Variants in CSDE1 observed in about 807,000 individuals in gnomAD.
CSDE1 encodes the protein cold shock domain containing E1, also known as cold shock domain-containing protein E1.
In CSDE1, 17 loss-of-function variants were observed where a neutral mutation model predicts 89.3. That is an observed-to-expected ratio of 0.19 (90% CI 0.13 to 0.29). The LOEUF is 0.29. CSDE1 is among the 10% of genes least tolerant of loss of function. The pLI is 1.00. For missense variants in CSDE1, 672 were observed against 984.2 expected (o/e 0.68, Z 4.24); for synonymous variants, 322 against 332.8 (o/e 0.97, Z 0.35).
At chr1:114,738,407 C>T (rs906230435) in intron 3 of CSDE1, among the ~76,000 whole-genome samples, 9 of 152,084 alleles carry the variant, frequency 5.9e-5, no homozygotes, top group African/African-American at 1.7e-4. Flanking sequence ...TTTACACATA[C>T]TACAAATGAG....
intron 12 of CSDE1, among the ~76,000 whole-genome samples, chr1:114,729,514 CAAAA>C (rs66566286): frequency 3.9e-5 from 5 of 127,228 alleles, no homozygotes; most frequent in Non-Finnish European, 5.0e-5. Flanking sequence ...CACACAAAAC[CAAAA>C]AAAAAAAAAA....
intron 2 of CSDE1, among the ~76,000 whole-genome samples, 175 bp downstream of exon 2, chr1:114,749,646 T>C (rs1052760825): frequency 1.3e-5 from 2 of 152,200 alleles, no homozygotes; most frequent in African/African-American, 4.8e-5. Flanking sequence ...TGTTTGACCA[T>C]AAATACTGTC....
intron 2 of CSDE1, among the ~76,000 whole-genome samples, chr1:114,747,837 G>A (rs1018702028): frequency 2.6e-5 from 4 of 151,378 alleles, no homozygotes; most frequent in Non-Finnish European, 4.4e-5. Context: ...CAGCCTTGGC[G>A]ACAGAGCAAG....
intron 16 of CSDE1, among the ~76,000 whole-genome samples, chr1:114,723,152 C>A (rs987555089): frequency 1.3e-5 from 2 of 152,132 alleles, no homozygotes; most frequent in African/African-American, 4.8e-5. Context: ...CCACCACGCC[C>A]GGCCTACCAA....
rs145574190 is a variant in CSDE1, at chr1:114,756,380, C to T, written c.-388+1545G>A. Among the ~76,000 whole-genome samples, 59 of 152,222 alleles carry T rather than the reference C, an allele frequency of 3.9e-4. 1 individual carries two copies. The East Asian group carries it at 9.5e-3, about 24-fold the overall frequency. On this transcript the variant is annotated intron_variant, in intron 1 of 19. Transcript: ENST00000358528. The stretch of plus-strand genomic sequence containing the variant: ...TAAGTTTTATGACTCAGGTATATCC[C>T]TACTGAAGTATATAAAGCCCCTCCT...
At chr1:114,748,711 CACCTACCTTTTTCTCT>C (rs1436745779) in intron 2 of CSDE1, among the ~76,000 whole-genome samples, 1 of 152,194 alleles carries the variant, frequency 6.6e-6, no homozygotes, top group African/African-American at 2.4e-5. Context: ...GAACACCTAG[CACCTACCTTTTTCTCT>C]ACCTACACCT....
At chr1:114,741,766 G>C (rs550655163) in intron 2 of CSDE1, 1 of 905,882 alleles carries the variant, frequency 1.1e-6, no homozygotes, top group Admixed American at 3.7e-5. Flanking sequence ...TGGGTTTAGC[G>C]AAATATAAAT....
In CSDE1 at chr1:114,738,081, AAAT is replaced by A. The variant is rs1303786154; in HGVS notation, c.200-12_200-10del. 13 of 1,597,494 alleles carry A rather than the reference AAAT, an allele frequency of 8.1e-6. No homozygotes were observed. The highest frequency in any genetic ancestry group is 1.1e-5 in the Non-Finnish European group (13 of 1,164,866). ...TTCAAATTCAACATCATCTAAAAAT[AAAT>A]AATGTGTTATGTTTGTTGAACTGAT... On this transcript the variant is annotated splice_polypyrimidine_tract_variant and intron_variant, in intron 3 of 19. Coordinates refer to ENST00000358528, the MANE Select transcript of CSDE1 (RefSeq NM_001007553.3).
chr1:114,738,170 A>C, intron 3 of CSDE1, 98 bp from the exon 4 acceptor site: 1 of 917,772 alleles, frequency 1.1e-6, no homozygotes, highest in South Asian at 1.4e-5. Flanking sequence ...ATTGCCTTAG[A>C]CCAGTGGTTT....
At chr1:114,737,854 T>G (rs1660488316) in intron 4 of CSDE1, 109 bp downstream of exon 4, 1 of 775,100 alleles carries the variant, frequency 1.3e-6, no homozygotes, top group Non-Finnish European at 2.2e-6. Flanking sequence ...TTATATACTA[T>G]AGCTCTCTTT....
At chr1:114,723,217 A>G (rs754712573) in intron 16 of CSDE1, among the ~76,000 whole-genome samples, 5 of 152,172 alleles carry the variant, frequency 3.3e-5, no homozygotes, top group Admixed American at 6.5e-5. Flanking sequence ...ACATCATGTA[A>G]TTCTGCTATC....
intron 16 of CSDE1, among the ~76,000 whole-genome samples, chr1:114,721,914 G>A (rs1659549247): frequency 2.1e-5 from 3 of 145,318 alleles, no homozygotes; most frequent in African/African-American, 5.1e-5. Flanking sequence ...ACGGAGTCAT[G>A]CTCTGTTAAC....
intron 9 of CSDE1, 86 bp downstream of exon 9, chr1:114,733,646 G>A (rs1279991003): frequency 1.6e-6 from 2 of 1,239,312 alleles, no homozygotes; most frequent in Admixed American, 4.6e-5. Context: ...TATATTAACT[G>A]AATAAGATAA....
intron 10 of CSDE1, among the ~76,000 whole-genome samples, chr1:114,732,155 T>C (rs759544828): frequency 2.6e-5 from 4 of 152,036 alleles, no homozygotes; most frequent in Non-Finnish European, 5.9e-5. Flanking sequence ...TTGCTGTTAG[T>C]GTATTTTATG....
intron 16 of CSDE1, among the ~76,000 whole-genome samples, chr1:114,721,895 T>C (rs555262674): frequency 6.6e-4 from 100 of 150,940 alleles, no homozygotes; most frequent in African/African-American, 2.4e-3. Context: ...TTTTTTTTTT[T>C]TTTTTGAGAC....
At chr1:114,734,970 G>C (rs963205995) in intron 6 of CSDE1, among the ~76,000 whole-genome samples, 1 of 152,226 alleles carries the variant, frequency 6.6e-6, no homozygotes, top group Non-Finnish European at 1.5e-5. Context: ...TGGTGATACA[G>C]AGATAAATAG....
At chr1:114,752,718 T>C (rs770573899) in intron 1 of CSDE1, among the ~76,000 whole-genome samples, 6 of 152,230 alleles carry the variant, frequency 3.9e-5, no homozygotes, top group Admixed American at 6.5e-5. Flanking sequence ...AAAGCCTTTC[T>C]TGACCATTCC....
intron 2 of CSDE1, among the ~76,000 whole-genome samples, chr1:114,748,807 A>G (rs1489399919): frequency 1.3e-5 from 2 of 152,186 alleles, no homozygotes; most frequent in African/African-American, 4.8e-5. Context: ...CTTTCCCTCA[A>G]AAGTGTCACC....
At chr1:114,719,537 C>T (rs765546668) in intron 18 of CSDE1, 42 bp downstream of exon 18, 5 of 1,596,098 alleles carry the variant, frequency 3.1e-6, no homozygotes, top group Non-Finnish European at 4.3e-6. Flanking sequence ...AGTTGAGACA[C>T]TCCAGGGTAG....
Sources: allele counts gnomAD v4.1 joint callset (sites outside exome capture counted in the v4.1 genomes callset), GRCh38; gene constraint gnomAD v4.1.1; transcripts MANE v1.5; gene names NCBI Gene and HGNC (gene_info 2026-07-23, HGNC 2026-07-21).